GRAMD1B: variants seen among roughly 807,000 people sequenced by gnomAD.
GRAMD1B encodes GRAM domain containing 1B, also known as protein Aster-B.
GRAMD1B carries 37 observed loss-of-function variants against 99.7 expected under a neutral mutation model. The observed-to-expected ratio is 0.37, with a 90% CI of 0.29 to 0.49. The LOEUF (loss-of-function observed/expected upper bound fraction) is 0.49. Ranked by LOEUF, GRAMD1B falls within the 20% of genes least tolerant of loss-of-function variation. The probability of loss-of-function intolerance (pLI) is 0.98; values close to 1 mark genes in which losing one functional copy is unlikely to be tolerated. For missense variants in GRAMD1B, 888 were observed against 1,009.2 expected (o/e 0.88, Z 1.63); for synonymous variants, 427 against 387.6 (o/e 1.10, Z -1.19).
chr11:123,549,794 C>T (rs1426733777), intron 2 of GRAMD1B, among the ~76,000 whole-genome samples: 1 of 152,144 alleles, frequency 6.6e-6, no homozygotes, highest in African/African-American at 2.4e-5. Context: ...GAACCCTCCT[C>T]TTTAAGAGTC....
At chr11:123,495,219 A>G (rs1001017838) in intron 2 of GRAMD1B, among the ~76,000 whole-genome samples, 8 of 152,078 alleles carry the variant, frequency 5.3e-5, no homozygotes, top group African/African-American at 1.9e-4. Context: ...TAATGAAACA[A>G]ATTTTAATAA....
At chr11:123,496,870 A>C (rs573132138) in intron 2 of GRAMD1B, among the ~76,000 whole-genome samples, 37 of 152,172 alleles carry the variant, frequency 2.4e-4, no homozygotes, top group East Asian at 1.4e-3. Context: ...GTGCTATGTT[A>C]AATTTCTGAA....
chr11:123,446,471 C>T (rs1178821064), intron 1 of GRAMD1B, among the ~76,000 whole-genome samples: 1 of 152,130 alleles, frequency 6.6e-6, no homozygotes, highest in African/African-American at 2.4e-5. Context: ...CAGCCCTCTG[C>T]AGACTTCTTG....
chr11:123,480,934 G>T, intron 2 of GRAMD1B, 41 bp downstream of exon 2: 2 of 398,774 alleles, frequency 5.0e-6, no homozygotes, highest in Middle Eastern at 6.3e-4. Context: ...GCAAAGAATA[G>T]AGGGGGTGGG....
intron 3 of GRAMD1B, among the ~76,000 whole-genome samples, chr11:123,583,352 C>G (rs1348950301): frequency 7.2e-6 from 1 of 138,582 alleles, no homozygotes; most frequent in East Asian, 2.1e-4. Context: ...TGCACGTGTG[C>G]ATGTGTGTAT....
Position 123,436,200 on chromosome 11 carries a change from C to A in GRAMD1B, c.374+5034C>A, listed in dbSNP as rs574021043. On this transcript the variant is annotated intron_variant, in intron 1 of 19. Coordinates refer to ENST00000635736, the MANE Select transcript of GRAMD1B (RefSeq NM_001387025.1). ...TCATGATCTGCCCACCTCAGCCTCC[C>A]AAAGTGCTGGGATTACAGGCATGAA... Among the ~76,000 whole-genome samples, 8 of 152,260 alleles carry A rather than the reference C, an allele frequency of 5.3e-5. No homozygotes were observed. The South Asian group carries it at 1.7e-3, about 32-fold the overall frequency.
chr11:123,610,191 C>A lies in GRAMD1B; in HGVS notation c.1777-5C>A. 1 of 1,613,640 alleles carries A rather than the reference C, an allele frequency of 6.2e-7. No homozygotes were observed. Among genetic ancestry groups the A allele is most frequent in the Non-Finnish European group, 8.5e-7 (1 of 1,179,748 alleles). The stretch of plus-strand genomic sequence containing the variant: ...TTTTGTCCAATGGACCTTTCCTGCC[C>A]GCAGACCATGTACAAGGCGAGCCAG... On this transcript the variant is annotated splice_region_variant and splice_polypyrimidine_tract_variant and intron_variant, in intron 13 of 19. Coordinates refer to ENST00000635736, the MANE Select transcript of GRAMD1B (RefSeq NM_001387025.1). This position sits in a 1 kb window ranked among gnomAD's most constrained non-coding sequence, Gnocchi z 4.1.
At chr11:123,498,222 C>A (rs939407388) in intron 2 of GRAMD1B, among the ~76,000 whole-genome samples, 57 of 152,352 alleles carry the variant, frequency 3.7e-4, no homozygotes, top group African/African-American at 1.4e-3. Flanking sequence ...GCTTGGCGCT[C>A]TTCCTCACTG....
intron 2 of GRAMD1B, among the ~76,000 whole-genome samples, chr11:123,523,087 T>C (rs1259854981): frequency 6.6e-6 from 1 of 152,142 alleles, no homozygotes; most frequent in Non-Finnish European, 1.5e-5. Context: ...ATCCCAATAC[T>C]TTGGGAGGCC....
intron 8 of GRAMD1B, among the ~76,000 whole-genome samples, chr11:123,601,476 C>T (rs909224168): frequency 3.3e-5 from 5 of 151,050 alleles, no homozygotes; most frequent in African/African-American, 1.2e-4. Context: ...GAAAACGCAC[C>T]GACACACACA....
chr11:123,435,967 G>T (rs1170499087), intron 1 of GRAMD1B, among the ~76,000 whole-genome samples: 1 of 127,800 alleles, frequency 7.8e-6, no homozygotes, highest in Non-Finnish European at 1.6e-5. Flanking sequence ...TTTTGAGACG[G>T]AGTCTCCCTC....
chr11:123,574,155 G>A (rs1948464268), intron 2 of GRAMD1B, among the ~76,000 whole-genome samples: 1 of 151,996 alleles, frequency 6.6e-6, no homozygotes, highest in African/African-American at 2.4e-5. Context: ...GGCTCAAGTA[G>A]TGCGTCGTAT....
At chr11:123,548,043 C>T (rs950060190) in intron 2 of GRAMD1B, among the ~76,000 whole-genome samples, 2 of 151,832 alleles carry the variant, frequency 1.3e-5, no homozygotes, top group Non-Finnish European at 2.9e-5. Context: ...GGGTGCACAG[C>T]TGCATGATCC....
At chr11:123,392,541 T>G (rs1254778377) in intron 1 of GRAMD1B, among the ~76,000 whole-genome samples, 1 of 151,892 alleles carries the variant, frequency 6.6e-6, no homozygotes, top group Non-Finnish European at 1.5e-5. Flanking sequence ...AGCTATGGAA[T>G]TATGGCCTGA....
At chr11:123,610,000 G>A (rs1953320964) in intron 13 of GRAMD1B, 87 bp downstream of exon 13, 10 of 898,990 alleles carry the variant, frequency 1.1e-5, no homozygotes. Flanking sequence ...TCAGGAAGAA[G>A]TTTCAGGGCG....
At chr11:123,426,855 A>C (rs1352435914), upstream of GRAMD1B, among the ~76,000 whole-genome samples, 1 of 152,186 alleles carries the variant, frequency 6.6e-6, no homozygotes, top group Non-Finnish European at 1.5e-5. Flanking sequence ...GAAATTGAAT[A>C]ATAATAGTAG....
At chr11:123,578,793 G>C (rs1471095853) in intron 3 of GRAMD1B, among the ~76,000 whole-genome samples, 1 of 152,172 alleles carries the variant, frequency 6.6e-6, no homozygotes, top group Non-Finnish European at 1.5e-5. Context: ...GACCCCATCT[G>C]GTTGTACTCC....
chr11:123,500,727 C>T (rs569046968), intron 2 of GRAMD1B, among the ~76,000 whole-genome samples: 3 of 152,040 alleles, frequency 2.0e-5, no homozygotes, highest in Non-Finnish European at 1.5e-5. Context: ...GGCTGGAGTG[C>T]AGTGGCGCGA....
chr11:123,615,461 C>T (rs1275063), intron 17 of GRAMD1B, among the ~76,000 whole-genome samples: 2 of 151,968 alleles, frequency 1.3e-5, no homozygotes, highest in African/African-American at 2.4e-5. Context: ...CCGAGGCAGG[C>T]GGATCATGAG....
Sources: gnomAD v4.1 joint callset for allele counts (sites outside exome capture counted in the v4.1 genomes callset) on GRCh38, gnomAD v4.1.1 for gene constraint, Gnocchi (gnomAD v3.1) non-coding constraint, MANE v1.5 for transcripts, NCBI Gene and HGNC (gene_info 2026-07-23, HGNC 2026-07-21) for gene names.